Variants in CADPS2 observed in about 807,000 individuals in gnomAD.
CADPS2 encodes calcium dependent secretion activator 2.
A neutral mutation model predicts 172.5 loss-of-function variants in CADPS2; 93 were observed. That is an observed-to-expected ratio of 0.54 (90% CI 0.46 to 0.64). The LOEUF is 0.64. CADPS2 is among the 30% of genes least tolerant of loss of function. The probability of loss-of-function intolerance (pLI) is 0.00; values close to 1 mark genes in which losing one functional copy is unlikely to be tolerated. For missense variants in CADPS2, 1,420 were observed against 1,565.9 expected, an observed-to-expected ratio of 0.91 and a Z score of 1.57; for synonymous variants, 546 against 555.2, an observed-to-expected ratio of 0.98 and a Z score of 0.23.
chr7:122,880,319 T>G (rs188678539), intron 1 of CADPS2, among the ~76,000 whole-genome samples: 49 of 152,326 alleles, frequency 3.2e-4, no homozygotes, highest in African/African-American at 1.2e-3. Context: ...GACAGTACTG[T>G]GAATATAATT....
In CADPS2 at chr7:122,623,198, G is replaced by T. The variant is rs569571269; in HGVS notation, c.868-1481C>A. ...AAATTTGTATCCTTAAGAAAAACAG[G>T]CAACTACCCAGCTATAAAATACCTG... On this transcript the variant is annotated intron_variant, in intron 4 of 29. Transcript: ENST00000449022. Among the ~76,000 whole-genome samples the T allele has an allele frequency of 2.9e-5, 4 of 138,680 alleles. No individual in the cohort carries two copies. In the South Asian group the frequency reaches 9.0e-4, roughly 31 times the overall value. 91.0% of individuals were successfully genotyped at this position (138,680 alleles called of 152,430 possible).
At chr7:122,414,945 C>T (rs2151745890) in intron 18 of CADPS2, among the ~76,000 whole-genome samples, 1 of 152,252 alleles carries the variant, frequency 6.6e-6, no homozygotes, top group East Asian at 1.9e-4. Flanking sequence ...AGGGCACTGA[C>T]ATTTATTATA....
intron 7 of CADPS2, among the ~76,000 whole-genome samples, chr7:122,579,631 A>G (rs1219109459): frequency 1.3e-5 from 2 of 151,686 alleles, no homozygotes; most frequent in African/African-American, 2.4e-5. Context: ...GAAAAGTAAC[A>G]TTAATTTTAC....
chr7:122,549,005 T>C (rs1041962511), intron 8 of CADPS2, among the ~76,000 whole-genome samples: 1 of 152,214 alleles, frequency 6.6e-6, no homozygotes, highest in African/African-American at 2.4e-5. Context: ...ACTGTTATAC[T>C]CTCAATGAAT....
chr7:122,860,540 A>T (rs1816679750), intron 1 of CADPS2, among the ~76,000 whole-genome samples: 1 of 151,888 alleles, frequency 6.6e-6, no homozygotes, highest in Non-Finnish European at 1.5e-5. Flanking sequence ...GCCATAATAT[A>T]TTTTTTTTAA....
intron 1 of CADPS2, among the ~76,000 whole-genome samples, chr7:122,884,851 T>C (rs1414207539): frequency 6.6e-6 from 1 of 152,170 alleles, no homozygotes; most frequent in East Asian, 1.9e-4. Context: ...GTTATCTAAA[T>C]GGGGGTAGGA....
At chr7:122,349,303 T>C (rs17364956) in intron 27 of CADPS2, among the ~76,000 whole-genome samples, 19,955 of 152,072 alleles carry the variant, frequency 0.13, 1,621 homozygotes, top group Non-Finnish European at 0.18. Flanking sequence ...CATAGTTTTC[T>C]TAATATGAGA....
chr7:122,469,932 G>A (rs2055689931), intron 14 of CADPS2, among the ~76,000 whole-genome samples: 1 of 151,996 alleles, frequency 6.6e-6, no homozygotes, highest in Admixed American at 6.6e-5. Flanking sequence ...TGAGTTAATT[G>A]AAGTCTTCTA....
intron 28 of CADPS2, among the ~76,000 whole-genome samples, chr7:122,342,991 G>A (rs962718320): frequency 6.6e-6 from 1 of 152,056 alleles, no homozygotes; most frequent in African/African-American, 2.4e-5. Context: ...ATTACATAAT[G>A]TCTCTCAGTA....
At chr7:122,501,874 C>CAAA (rs1173009562) in intron 9 of CADPS2, among the ~76,000 whole-genome samples, 28 of 42,100 alleles carry the variant, frequency 6.7e-4, no homozygotes, top group African/African-American at 1.3e-3. Flanking sequence ...GACTCCGTCT[C>CAAA]AAAAAAAAAA....
intron 1 of CADPS2, among the ~76,000 whole-genome samples, chr7:122,771,829 C>G (rs930280914): frequency 2.0e-5 from 3 of 152,150 alleles, no homozygotes; most frequent in Admixed American, 2.0e-4. Context: ...TGACAACAGT[C>G]CAAGCTGGAA....
chr7:122,521,375 A>G (rs1417748041), intron 8 of CADPS2, among the ~76,000 whole-genome samples: 1 of 150,760 alleles, frequency 6.6e-6, no homozygotes, highest in African/African-American at 2.4e-5. Context: ...AGGCACTTTC[A>G]GTCATCCCTA....
chr7:122,616,497 T>C (rs910236112), intron 5 of CADPS2, among the ~76,000 whole-genome samples: 1 of 152,092 alleles, frequency 6.6e-6, no homozygotes, highest in Non-Finnish European at 1.5e-5. Context: ...TTAAATTTTG[T>C]TTTCATAAAA....
intron 6 of CADPS2, among the ~76,000 whole-genome samples, chr7:122,597,550 A>G (rs1563813533): frequency 6.6e-6 from 1 of 152,114 alleles, no homozygotes; most frequent in South Asian, 2.1e-4. Flanking sequence ...CCACACGAAT[A>G]AAACACCACA....
chr7:122,423,016 C>T (rs544128740), intron 17 of CADPS2, among the ~76,000 whole-genome samples: 2 of 152,010 alleles, frequency 1.3e-5, no homozygotes, highest in Non-Finnish European at 2.9e-5. Context: ...TTTAGTCTAC[C>T]TTAGCTAGCC....
intron 8 of CADPS2, among the ~76,000 whole-genome samples, chr7:122,526,186 AT>A (rs2061220651): frequency 1.3e-5 from 2 of 150,094 alleles, no homozygotes; most frequent in African/African-American, 5.0e-5. Context: ...ACACTTATTT[AT>A]TTATTTATTT....
At chr7:122,811,392 T>A (rs1210497234) in intron 1 of CADPS2, among the ~76,000 whole-genome samples, 8 of 152,228 alleles carry the variant, frequency 5.3e-5, no homozygotes, top group African/African-American at 1.9e-4. Context: ...TCTTTGGATA[T>A]GTTGATGAAC....
At chr7:122,513,920 A>T (rs1382055828) in intron 8 of CADPS2, among the ~76,000 whole-genome samples, 2 of 152,180 alleles carry the variant, frequency 1.3e-5, no homozygotes, top group African/African-American at 4.8e-5. Context: ...TAACTATAAA[A>T]TTCTGATAGT....
intron 1 of CADPS2, among the ~76,000 whole-genome samples, chr7:122,864,951 TG>T (rs771415832): frequency 7.2e-5 from 11 of 152,214 alleles, no homozygotes; most frequent in Admixed American, 1.3e-4. Flanking sequence ...TCATCACTTC[TG>T]TTTGTATGTT....
Sources: allele counts gnomAD v4.1 joint callset (sites outside exome capture counted in the v4.1 genomes callset), GRCh38; gene constraint gnomAD v4.1.1; transcripts MANE v1.5; gene names NCBI Gene and HGNC (gene_info 2026-07-23, HGNC 2026-07-21).